Variants in WIPI2 observed in about 807,000 individuals in gnomAD.
WIPI2 encodes WD repeat domain phosphoinositide-interacting protein 2.
A neutral mutation model predicts 52.3 loss-of-function variants in WIPI2; 28 were observed. That is an observed-to-expected ratio of 0.54 (90% CI 0.40 to 0.73). The LOEUF is 0.73. Among genes scored for constraint, WIPI2 ranks in the 30% least tolerant of loss-of-function variants. The pLI is 0.00. For missense variants in WIPI2, 506 were observed against 602.9 expected (o/e 0.84, Z 1.68); for synonymous variants, 268 against 245.0 (o/e 1.09, Z -0.88).
At chr7:5,223,033 C>T (rs367859088) in intron 8 of WIPI2, among the ~76,000 whole-genome samples, 6 of 152,134 alleles carry the variant, frequency 3.9e-5, no homozygotes, top group African/African-American at 1.2e-4. Context: ...AGAACCTGTT[C>T]CAGCTCTCCA....
intron 8 of WIPI2, 108 bp from the exon 9 acceptor site, chr7:5,225,715 A>T: frequency 1.4e-6 from 1 of 706,456 alleles, no homozygotes; most frequent in Non-Finnish European, 2.4e-6. Flanking sequence ...AAAACTTACC[A>T]GCAGGCCCAA....
chr7:5,201,176 T>C (rs894446316), intron 3 of WIPI2, among the ~76,000 whole-genome samples: 3 of 152,194 alleles, frequency 2.0e-5, no homozygotes, highest in African/African-American at 7.2e-5. Flanking sequence ...GGCAGCCCCG[T>C]CTCCAGGCTT....
rs1322298205 is a variant in WIPI2 at position 5,230,204 on chromosome 7, T to C, written c.1252+466T>C. Among the ~76,000 whole-genome samples, 1 of 152,154 alleles carries C rather than the reference T, an allele frequency of 6.6e-6. No individual in the cohort carries two copies. The highest frequency in any genetic ancestry group is 1.5e-5 in the Non-Finnish European group (1 of 68,020). On this transcript the variant is annotated intron_variant, in intron 12 of 12. Coordinates refer to ENST00000288828, the MANE Select transcript of WIPI2 (RefSeq NM_015610.4). This position sits in a 1 kb window ranked among gnomAD's most constrained non-coding sequence, Gnocchi z 4.8. ...AGTACTGCCAAGGGTTTTGCCTCAG[T>C]CTTTTCCCTCCCACCTTTTTCGTCC...
rs10243571 is a variant in WIPI2, at chr7:5,228,248, T to C, written c.1121+37T>C. 4,392 of 1,564,228 alleles carry C rather than the reference T, an allele frequency of 2.8e-3. 81 individuals carry two copies. Among genetic ancestry groups the C allele is most frequent in the African/African-American group, 0.016 (1,152 of 72,864 alleles). On this transcript the variant is annotated intron_variant, in intron 11 of 12. Coordinates refer to ENST00000288828, the MANE Select transcript of WIPI2 (RefSeq NM_015610.4). Reference sequence around the variant, plus strand: ...CCGGCCGCTTCACGGAGCTGCTCCGTGCTGGCGGGGGGCTTTCGGGGCACC... The same window carrying C: ...CCGGCCGCTTCACGGAGCTGCTCCGCGCTGGCGGGGGGCTTTCGGGGCACC...
chr7:5,217,326 A>G, intron 6 of WIPI2, 139 bp downstream of exon 6: 1 of 910,906 alleles, frequency 1.1e-6, no homozygotes, highest in Non-Finnish European at 1.7e-6. Context: ...TGTTTTTGAG[A>G]CAGGGTCTGG....
intron 2 of WIPI2, among the ~76,000 whole-genome samples, chr7:5,195,313 C>T (rs761524278): frequency 6.6e-6 from 1 of 151,480 alleles, no homozygotes; most frequent in Non-Finnish European, 1.5e-5. Flanking sequence ...ACAGGGAGAC[C>T]TCGACTCTAC....
rs200762936 is a variant in WIPI2 at position 5,193,156 on chromosome 7, G to A, written c.113G>A (p.Arg38His). 7.4e-6 allele frequency: 12 copies of A among 1,613,624 alleles called. No homozygotes were observed. Among genetic ancestry groups the A allele is most frequent in the East Asian group, 2.2e-5 (1 of 44,886 alleles). Residue 38 changes from arginine to histidine, a missense_variant, in exon 2 of 13, where the codon CGT becomes CAT. Around this residue, in one of 4 missense-constraint regions of WIPI2, gnomAD observed 60 missense variants for 49.7 expected, o/e 1.21. Coordinates refer to ENST00000288828, the MANE Select transcript of WIPI2 (RefSeq NM_015610.4). ...KGASRAAGLG[R>H]RAVVWSLAVG... ...GCATCAAGAGCAGCTGGTCTTGGCC[G>A]TCGCGCTGTTGTCTGGTTAGTTCCA... is the stretch of plus-strand genomic sequence containing the variant.
At chr7:5,226,013 A>ACCCG in intron 9 of WIPI2, 83 bp downstream of exon 9, 1 of 1,321,328 alleles carries the variant, frequency 7.6e-7, no homozygotes, top group Non-Finnish European at 1.1e-6. Flanking sequence ...GTAAGCACGG[A>ACCCG]CCCGCCCACC....
intron 3 of WIPI2, among the ~76,000 whole-genome samples, chr7:5,205,993 T>G (rs1384597992): frequency 1.3e-5 from 2 of 151,750 alleles, no homozygotes; most frequent in Non-Finnish European, 2.9e-5. Flanking sequence ...TTGCAAATAT[T>G]TTTTTTTTCT....
chr7:5,217,255 T>C, intron 6 of WIPI2, 68 bp downstream of exon 6: 2 of 1,523,554 alleles, frequency 1.3e-6, no homozygotes, highest in Non-Finnish European at 1.8e-6. Context: ...AGCACTGTGG[T>C]GTCCCTGGCA....
At chr7:5,198,296 T>C (rs763931733) in intron 2 of WIPI2, among the ~76,000 whole-genome samples, 2 of 151,968 alleles carry the variant, frequency 1.3e-5, no homozygotes, top group African/African-American at 4.8e-5. Flanking sequence ...TCGTTTAAAA[T>C]TTAGAAAATT....
At chr7:5,225,543 G>A (rs184534992) in intron 8 of WIPI2, among the ~76,000 whole-genome samples, 41 of 152,252 alleles carry the variant, frequency 2.7e-4, no homozygotes, top group African/African-American at 8.4e-4. Flanking sequence ...CTCACCTTAG[G>A]ACTATAAATC....
chr7:5,197,269 A>G (rs955614396), intron 2 of WIPI2, among the ~76,000 whole-genome samples: 1 of 152,132 alleles, frequency 6.6e-6, no homozygotes, highest in Non-Finnish European at 1.5e-5. Flanking sequence ...CAATTTAAGA[A>G]CAATTTGTTT....
chr7:5,196,324 G>C lies in WIPI2; in HGVS notation c.128+3153G>C, dbSNP rs112153900. Among the ~76,000 whole-genome samples the C allele has an allele frequency of 3.7e-4, 56 of 152,198 alleles. 1 individual carries two copies. Among genetic ancestry groups the C allele is most frequent in the Middle Eastern group, 3.4e-3 (1 of 292 alleles). On this transcript the variant is annotated intron_variant, in intron 2 of 12. Coordinates refer to ENST00000288828, the MANE Select transcript of WIPI2 (RefSeq NM_015610.4). Reference sequence around the variant, plus strand: ...AGATTGTGCCATTGCACTCCAGCCTGGGCGACAGAGCAAAACTCCATCTAA... The same window carrying C: ...AGATTGTGCCATTGCACTCCAGCCTCGGCGACAGAGCAAAACTCCATCTAA...
Position 5,231,852 on chromosome 7 carries a change from T to C in WIPI2, c.*905T>C. ...TGAGCTGTCCTTTCGCTGGCCCCGC[T>C]GTCCGCAGGGGCTTCCTACCTGTGT... On this transcript the variant is annotated 3_prime_UTR_variant, in exon 13 of 13. Transcript: ENST00000288828. 8.7e-6 allele frequency: 2 copies of C among 229,290 alleles called. No homozygotes were observed. The highest frequency in any genetic ancestry group is 8.4e-6 in the Non-Finnish European group (1 of 118,664). 14.2% of individuals were successfully genotyped at this position (229,290 alleles called of 1,614,324 possible).
At position 5,232,139 on chromosome 7, in the gene WIPI2, A is replaced by G. The variant is rs1783754206; in HGVS notation, c.*1192A>G. On this transcript the variant is annotated 3_prime_UTR_variant, in exon 13 of 13. Transcript: ENST00000288828. ...GTGTCGAGGGCATTTAAGTGGCATT[A>G]ATGGCAGGAGAGATGGTTTTAGAAT... 2.5e-6 allele frequency: 1 copy of G among 398,876 alleles called. No homozygotes were observed. Among genetic ancestry groups the G allele is most frequent in the Non-Finnish European group, 4.4e-6 (1 of 226,076 alleles). The allele number at this position is 398,876 out of a possible 1,614,324, so 24.7% of individuals were successfully genotyped here. A position where few individuals can be genotyped will look rare whatever the true frequency, so the allele number is the denominator to read the frequency against.
At chr7:5,208,042 A>G (rs1274623402) in intron 3 of WIPI2, among the ~76,000 whole-genome samples, 1 of 152,210 alleles carries the variant, frequency 6.6e-6, no homozygotes, top group African/African-American at 2.4e-5. Context: ...CTGGGATTAC[A>G]GGCGTGAGCC....
chr7:5,212,258 G>A (rs944295670), intron 3 of WIPI2, among the ~76,000 whole-genome samples: 1 of 152,084 alleles, frequency 6.6e-6, no homozygotes, highest in African/African-American at 2.4e-5. Flanking sequence ...GTCCAGCAGG[G>A]AACTCTGTCT....
intron 3 of WIPI2, among the ~76,000 whole-genome samples, chr7:5,213,913 C>T (rs1782684882): frequency 6.6e-6 from 1 of 152,174 alleles, no homozygotes; most frequent in Non-Finnish European, 1.5e-5. Flanking sequence ...TCTTAATCTC[C>T]CGACCTTGTG....
Sources: gnomAD v4.1 joint callset for allele counts (sites outside exome capture counted in the v4.1 genomes callset) on GRCh38, gnomAD v4.1.1 for gene constraint, gnomAD v4.1.1 regional missense constraint, Gnocchi (gnomAD v3.1) non-coding constraint, MANE v1.5 for transcripts, NCBI Gene and HGNC (gene_info 2026-07-23, HGNC 2026-07-21) for gene names.